CFAP54: variants seen among roughly 807,000 people sequenced by gnomAD.
The protein encoded by CFAP54 is cilia- and flagella-associated protein 54.
Under a neutral mutation model 370.4 loss-of-function variants are expected in CFAP54, and 290 were observed. That is an observed-to-expected ratio of 0.78 (90% CI 0.71 to 0.86). The LOEUF (loss-of-function observed/expected upper bound fraction) is 0.86, where lower values mean the gene tolerates loss of function less well. Among genes scored for constraint, CFAP54 ranks in the 40% least tolerant of loss-of-function variants. The pLI is 0.00. For missense variants in CFAP54, 3,399 were observed against 3,528.7 expected, an observed-to-expected ratio of 0.96 and a Z score of 0.93; for synonymous variants, 1,206 against 1,236.5, an observed-to-expected ratio of 0.98 and a Z score of 0.52.
At chr12:96,717,774 A>G (rs1957701948) in intron 48 of CFAP54, among the ~76,000 whole-genome samples, 1 of 152,192 alleles carries the variant, frequency 6.6e-6, no homozygotes, top group Non-Finnish European at 1.5e-5. Context: ...TCTTATTGAA[A>G]TGTTAGAAAT....
At chr12:96,558,882 C>A (rs1176178598) in intron 17 of CFAP54, among the ~76,000 whole-genome samples, 1 of 152,120 alleles carries the variant, frequency 6.6e-6, no homozygotes, top group Non-Finnish European at 1.5e-5. Flanking sequence ...CAAATAGGAT[C>A]ATATCAAGTT....
intron 35 of CFAP54, 94 bp from the exon 36 acceptor site, chr12:96,651,494 C>A: frequency 1.0e-6 from 1 of 959,124 alleles, no homozygotes; most frequent in Non-Finnish European, 1.6e-6. Flanking sequence ...GTTATTTTTA[C>A]TATTGACACA....
chr12:96,559,444 C>T (rs1955792784), intron 17 of CFAP54, among the ~76,000 whole-genome samples: 1 of 152,088 alleles, frequency 6.6e-6, no homozygotes, highest in Non-Finnish European at 1.5e-5. Flanking sequence ...ACTGTTCCCT[C>T]CAACTTTTTA....
At chr12:96,730,533 A>G (rs1246112897) in intron 50 of CFAP54, among the ~76,000 whole-genome samples, 1 of 152,244 alleles carries the variant, frequency 6.6e-6, no homozygotes, top group East Asian at 1.9e-4. Context: ...GAAAACAGCA[A>G]AATAGAAATT....
intron 67 of CFAP54, among the ~76,000 whole-genome samples, chr12:96,872,000 G>T (rs1733350482): frequency 6.6e-6 from 1 of 152,056 alleles, no homozygotes. Context: ...AGATAGGAAG[G>T]AAAGAGTCCT....
chr12:96,693,835 G>T, intron 45 of CFAP54, 27 bp downstream of exon 45: 2 of 1,385,314 alleles, frequency 1.4e-6, no homozygotes, highest in South Asian at 1.2e-5. Context: ...TAAGACATTT[G>T]ATATTCTTGA....
intron 4 of CFAP54, among the ~76,000 whole-genome samples, chr12:96,509,709 A>G (rs1955144077): frequency 3.3e-5 from 5 of 151,690 alleles, no homozygotes. Flanking sequence ...CCAGTTACTC[A>G]GGAGGCTGAG....
At chr12:96,642,922 C>T (rs113313112) in intron 32 of CFAP54, among the ~76,000 whole-genome samples, 1 of 152,140 alleles carries the variant, frequency 6.6e-6, no homozygotes, top group African/African-American at 2.4e-5. Context: ...GATGTGAATT[C>T]CCTTCTGAGC....
intron 1 of CFAP54, among the ~76,000 whole-genome samples, chr12:96,495,349 C>T (rs1954939435): frequency 6.6e-6 from 1 of 150,412 alleles, no homozygotes; most frequent in Non-Finnish European, 1.5e-5. Context: ...GTTCTGTCGC[C>T]CAGGCTGGAG....
chr12:96,626,253 G>T (rs1383166155), intron 29 of CFAP54, among the ~76,000 whole-genome samples: 1 of 151,950 alleles, frequency 6.6e-6, no homozygotes, highest in Non-Finnish European at 1.5e-5. Flanking sequence ...GTGTTGGGTG[G>T]TGGGTGCCCG....
At chr12:96,602,623 T>G (rs1028419323) in intron 26 of CFAP54, among the ~76,000 whole-genome samples, 1 of 152,236 alleles carries the variant, frequency 6.6e-6, no homozygotes, top group African/African-American at 2.4e-5. Flanking sequence ...GGACTTGCTT[T>G]ATGAATCTGG....
At chr12:96,670,139 G>A (rs1462362790) in intron 39 of CFAP54, among the ~76,000 whole-genome samples, 2 of 151,914 alleles carry the variant, frequency 1.3e-5, no homozygotes, top group African/African-American at 2.4e-5. Context: ...TAATTTTAAT[G>A]TTATCTTCTA....
intron 50 of CFAP54, among the ~76,000 whole-genome samples, chr12:96,723,334 C>T (rs1957781882): frequency 2.6e-5 from 4 of 152,034 alleles, no homozygotes; most frequent in African/African-American, 9.7e-5. Context: ...GTTTTGTACT[C>T]CAACTTTACG....
intron 17 of CFAP54, among the ~76,000 whole-genome samples, chr12:96,557,006 T>C (rs994654599): frequency 2.0e-5 from 3 of 152,154 alleles, no homozygotes; most frequent in Non-Finnish European, 4.4e-5. Context: ...TCCCATGACA[T>C]GAGTTTATCT....
chr12:96,872,520 G>A (rs1433427658), intron 67 of CFAP54, among the ~76,000 whole-genome samples: 1 of 152,134 alleles, frequency 6.6e-6, no homozygotes, highest in Admixed American at 6.5e-5. Flanking sequence ...TGTCATTAAG[G>A]TATATTTCAA....
chr12:96,720,394 C>A lies in CFAP54; in HGVS notation c.6805-11C>A, dbSNP rs1356190229. On this transcript the variant is annotated splice_polypyrimidine_tract_variant and intron_variant, in intron 49 of 67. Coordinates refer to ENST00000524981, the MANE Select transcript of CFAP54 (RefSeq NM_001306084.2). ...TCTGAACTCACGTGATGTATGGTATCCTTTCCTTAGTCGATGTTACTGATG... is the reference window on the plus strand; with the variant it reads ...TCTGAACTCACGTGATGTATGGTATACTTTCCTTAGTCGATGTTACTGATG... 2 of 1,464,936 alleles carry A rather than the reference C, an allele frequency of 1.4e-6. No individual in the cohort carries two copies. Among genetic ancestry groups the A allele is most frequent in the Non-Finnish European group, 1.8e-6 (2 of 1,098,308 alleles). The allele number at this position is 1,464,936 out of a possible 1,614,324, so 90.7% of individuals were successfully genotyped here.
rs540602646 is a variant in CFAP54 at position 96,773,265 on chromosome 12, TTGTC to T, written c.8281+8050_8281+8053del. On this transcript the variant is annotated intron_variant, in intron 60 of 67. Transcript: ENST00000524981. ...TAAAGGAAACTTGTAGATCAGGAATTTGTCTGAAGAATAGAGAGCTTCTGCTCAG... is the reference window on the plus strand; with the variant it reads ...TAAAGGAAACTTGTAGATCAGGAATTTGAAGAATAGAGAGCTTCTGCTCAG... Among the ~76,000 whole-genome samples, 212 of 152,290 alleles carry T rather than the reference TTGTC, an allele frequency of 1.4e-3. 1 individual carries two copies. Among genetic ancestry groups the T allele is most frequent in the African/African-American group, 4.8e-3 (200 of 41,562 alleles).
At chr12:96,510,116 GGTGGCGTGT>G (rs1169215034) in intron 4 of CFAP54, among the ~76,000 whole-genome samples, 1 of 151,884 alleles carries the variant, frequency 6.6e-6, no homozygotes, top group Non-Finnish European at 1.5e-5. Flanking sequence ...GGCCGGGTGT[GGTGGCGTGT>G]GCCTATAATC....
intron 60 of CFAP54, among the ~76,000 whole-genome samples, chr12:96,770,583 A>T (rs1434747615): frequency 6.6e-6 from 1 of 152,246 alleles, no homozygotes; most frequent in Non-Finnish European, 1.5e-5. Context: ...GAGGAGACTC[A>T]ACATGATTGT....
Sources: allele counts gnomAD v4.1 joint callset (sites outside exome capture counted in the v4.1 genomes callset), GRCh38; gene constraint gnomAD v4.1.1; transcripts MANE v1.5; gene names NCBI Gene and HGNC (gene_info 2026-07-23, HGNC 2026-07-21).